Variants in RAB8B observed in about 807,000 individuals in gnomAD.
The protein encoded by RAB8B is RAB8B, member RAS oncogene family.
In RAB8B, 11 loss-of-function variants were observed where a neutral mutation model predicts 32.0. The observed-to-expected ratio is 0.34, with a 90% CI of 0.22 to 0.57. RAB8B has a LOEUF of 0.57. RAB8B is among the 20% of genes least tolerant of loss of function. The pLI is 0.86. For synonymous variants in RAB8B, 103 were observed against 89.6 expected (o/e 1.15, Z -0.85); for missense variants, 190 against 258.5 (o/e 0.73, Z 1.82).
intron 1 of RAB8B, among the ~76,000 whole-genome samples, chr15:63,192,995 G>A (rs548836192): frequency 1.3e-5 from 2 of 151,984 alleles, no homozygotes; most frequent in Non-Finnish European, 2.9e-5. Flanking sequence ...GGCTGAGGCA[G>A]GAAGATCACT....
chr15:63,262,384 T>TG (rs1440794990), intron 6 of RAB8B, among the ~76,000 whole-genome samples: 1 of 152,192 alleles, frequency 6.6e-6, no homozygotes, highest in Non-Finnish European at 1.5e-5. Flanking sequence ...AGTAAACACA[T>TG]GCATACTATG....
intron 1 of RAB8B, among the ~76,000 whole-genome samples, chr15:63,198,873 A>G (rs991891774): frequency 1.3e-5 from 2 of 152,250 alleles, no homozygotes; most frequent in African/African-American, 2.4e-5. Context: ...TTATGCACAC[A>G]TACATACGAA....
At chr15:63,247,927 G>T (rs1021212813) in intron 2 of RAB8B, among the ~76,000 whole-genome samples, 1 of 152,184 alleles carries the variant, frequency 6.6e-6, no homozygotes, top group African/African-American at 2.4e-5. Flanking sequence ...TGTTATGAAG[G>T]TTACTATAGG....
chr15:63,218,906 A>G (rs991550372), intron 1 of RAB8B, among the ~76,000 whole-genome samples: 6 of 151,520 alleles, frequency 4.0e-5, no homozygotes, highest in Non-Finnish European at 7.4e-5. Flanking sequence ...AAGTTTAACA[A>G]ATATTTTAGG....
intron 1 of RAB8B, among the ~76,000 whole-genome samples, chr15:63,232,846 AC>A (rs150822148): frequency 0.045 from 6,818 of 152,258 alleles, 233 homozygotes; most frequent in Middle Eastern, 0.13. Context: ...TTCTAAACTT[AC>A]TTTTATTGTG....
intron 1 of RAB8B, among the ~76,000 whole-genome samples, chr15:63,232,317 C>T (rs1047973050): frequency 9.2e-5 from 14 of 152,044 alleles, no homozygotes; most frequent in Admixed American, 9.2e-4. Context: ...TAAAGCCCTT[C>T]GAGACTCAAA....
At chr15:63,208,204 C>T (rs2037715110) in intron 1 of RAB8B, among the ~76,000 whole-genome samples, 1 of 152,158 alleles carries the variant, frequency 6.6e-6, no homozygotes, top group South Asian at 2.1e-4. Flanking sequence ...CTGTTTTTTA[C>T]AGGAATCCTA....
At chr15:63,212,400 C>G (rs1190971499) in intron 1 of RAB8B, among the ~76,000 whole-genome samples, 1 of 152,088 alleles carries the variant, frequency 6.6e-6, no homozygotes, top group African/African-American at 2.4e-5. Flanking sequence ...CATATTTATT[C>G]TAGTCTAACC....
At chr15:63,190,632 A>G (rs1307940452) in intron 1 of RAB8B, among the ~76,000 whole-genome samples, 3 of 152,212 alleles carry the variant, frequency 2.0e-5, no homozygotes, top group Non-Finnish European at 4.4e-5. Context: ...AATAATGTCT[A>G]TAGAGCGTTA....
chr15:63,238,537 A>G (rs1311279921), intron 1 of RAB8B, among the ~76,000 whole-genome samples: 2 of 152,338 alleles, frequency 1.3e-5, no homozygotes, highest in African/African-American at 2.4e-5. Flanking sequence ...ATGTAATAAC[A>G]TTCATGACAG....
chr15:63,251,019 C>T (rs564413437), intron 3 of RAB8B, among the ~76,000 whole-genome samples: 2 of 151,972 alleles, frequency 1.3e-5, no homozygotes, highest in African/African-American at 2.4e-5. Flanking sequence ...CCACCACTTG[C>T]TCTCCAGTGT....
chr15:63,215,262 G>A (rs542229198), intron 1 of RAB8B, among the ~76,000 whole-genome samples: 10 of 152,192 alleles, frequency 6.6e-5, no homozygotes, highest in African/African-American at 2.4e-4. Context: ...CTTATTCATT[G>A]ATGCATTGAT....
chr15:63,221,164 G>A (rs1180699678), intron 1 of RAB8B, among the ~76,000 whole-genome samples: 1 of 152,160 alleles, frequency 6.6e-6, no homozygotes, highest in African/African-American at 2.4e-5. Flanking sequence ...TTAGAGGCAG[G>A]GAATACCACA....
At chr15:63,229,830 A>C (rs141303809) in intron 1 of RAB8B, among the ~76,000 whole-genome samples, 1 of 151,062 alleles carries the variant, frequency 6.6e-6, no homozygotes, top group African/African-American at 2.4e-5. Flanking sequence ...CCAAGGAAGT[A>C]ATAGAGGACA....
chr15:63,256,565 A>C lies in RAB8B; in HGVS notation c.385A>C (p.Arg129=). The change falls in exon 5 of 8, where the codon AGA becomes CGA. Residue 129 remains arginine, a synonymous_variant. Coordinates refer to ENST00000321437, the MANE Select transcript of RAB8B (RefSeq NM_016530.3). The stretch of plus-strand genomic sequence containing the variant: ...TAACAAATGTGATATGAATGACAAA[A>C]GACAAGTGTCAAAAGAAAGAGGGGA... ...LGNKCDMNDK[R]QVSKERGEKL... 1.2e-6 allele frequency: 2 copies of C among 1,603,992 alleles called. No homozygotes were observed. The highest frequency in any genetic ancestry group is 1.7e-6 in the Non-Finnish European group (2 of 1,176,374).
intron 1 of RAB8B, among the ~76,000 whole-genome samples, chr15:63,193,297 C>T (rs909133450): frequency 3.3e-5 from 5 of 152,048 alleles, no homozygotes; most frequent in African/African-American, 1.2e-4. Flanking sequence ...CCTTCATTTC[C>T]TTTTTGCTCT....
intron 2 of RAB8B, among the ~76,000 whole-genome samples, chr15:63,245,469 T>A (rs1595747398): frequency 6.6e-6 from 1 of 152,210 alleles, no homozygotes; most frequent in South Asian, 2.1e-4. Context: ...TGTCAGGGGG[T>A]TCCCCCCACC....
At chr15:63,190,118 A>G (rs999490869) in intron 1 of RAB8B, among the ~76,000 whole-genome samples, 2 of 148,816 alleles carry the variant, frequency 1.3e-5, no homozygotes, top group African/African-American at 5.0e-5. Context: ...AGAAGGGGAT[A>G]GTGGACGTGC....
At chr15:63,250,917 A>G (rs2038112287) in intron 3 of RAB8B, among the ~76,000 whole-genome samples, 1 of 151,686 alleles carries the variant, frequency 6.6e-6, no homozygotes, top group Non-Finnish European at 1.5e-5. Context: ...AGGATGACAG[A>G]GCTGAAGGGG....
Sources: allele counts gnomAD v4.1 joint callset (sites outside exome capture counted in the v4.1 genomes callset), GRCh38; gene constraint gnomAD v4.1.1; transcripts MANE v1.5; gene names NCBI Gene and HGNC (gene_info 2026-07-23, HGNC 2026-07-21).